The following PPIH variants were observed in gnomAD, a reference collection of about 807,000 sequenced individuals.
PPIH encodes the protein peptidylprolyl isomerase H.
Under a neutral mutation model 27.6 loss-of-function variants are expected in PPIH, and 16 were observed. The ratio of observed to expected loss-of-function variants is 0.58; its 90% CI spans 0.39 to 0.88. PPIH has a LOEUF of 0.88. Among genes scored for constraint, PPIH ranks in the 40% least tolerant of loss-of-function variants. The probability of loss-of-function intolerance (pLI) is 0.00; values close to 1 mark genes in which losing one functional copy is unlikely to be tolerated. For synonymous variants in PPIH, 63 were observed against 76.1 expected, an observed-to-expected ratio of 0.83 and a Z score of 0.90; for missense variants, 155 against 224.1, an observed-to-expected ratio of 0.69 and a Z score of 1.97.
At position 42,658,923 on chromosome 1, in the gene PPIH, C is replaced by T. The variant is rs371476066; in HGVS notation, c.131+15C>T. 43 of 1,613,450 alleles carry T rather than the reference C, an allele frequency of 2.7e-5. No individual in the cohort carries two copies. The African/African-American group carries it at 3.1e-4, about 12-fold the overall frequency. On this transcript the variant is annotated intron_variant, in intron 2 of 9. Transcript: ENST00000304979. ...GAGAACTTTAGGTAAGGACGTGCTCCAGCTCCGCTGGATTAGCTGAGGCAG... is the reference window on the plus strand; with the variant it reads ...GAGAACTTTAGGTAAGGACGTGCTCTAGCTCCGCTGGATTAGCTGAGGCAG...
chr1:42,659,048 T>G, intron 2 of PPIH, 140 bp downstream of exon 2: 1 of 1,330,910 alleles, frequency 7.5e-7, no homozygotes, highest in East Asian at 2.3e-5. Flanking sequence ...CTCTGTCTGG[T>G]TGCCGTTTGG....
chr1:42,671,760 T>C (rs1041167416), intron 9 of PPIH, among the ~76,000 whole-genome samples: 1 of 152,188 alleles, frequency 6.6e-6, no homozygotes, highest in Non-Finnish European at 1.5e-5. Flanking sequence ...CACCCCATTT[T>C]GGGTTTCTGA....
At chr1:42,665,393 G>A (rs996396586) in intron 6 of PPIH, among the ~76,000 whole-genome samples, 9 of 152,110 alleles carry the variant, frequency 5.9e-5, no homozygotes, top group Non-Finnish European at 1.0e-4. Flanking sequence ...CAACAAGAGC[G>A]AAACTCCATC....
chr1:42,679,155 A>G, downstream of PPIH, among the ~76,000 whole-genome samples: 1 of 152,226 alleles, frequency 6.6e-6, no homozygotes, highest in East Asian at 1.9e-4. Context: ...ACTTTGGAAC[A>G]GTCATGAACT....
intron 9 of PPIH, among the ~76,000 whole-genome samples, chr1:42,670,780 A>G (rs1436936658): frequency 6.6e-6 from 1 of 151,944 alleles, no homozygotes; most frequent in Non-Finnish European, 1.5e-5. Flanking sequence ...CTAAACTGTT[A>G]ACTTTTTATT....
At chr1:42,678,942 T>A (rs1439275592), downstream of PPIH, 1 of 152,226 alleles carries the variant, frequency 6.6e-6, no homozygotes, top group Non-Finnish European at 1.5e-5. Context: ...GGAACTGTGT[T>A]CTTAGGCCAC....
In PPIH at chr1:42,666,087, C is replaced by T. The variant is rs755196999; in HGVS notation, c.424+20C>T. On this transcript the variant is annotated intron_variant, in intron 7 of 9. Coordinates refer to ENST00000304979, the MANE Select transcript of PPIH (RefSeq NM_006347.4). ...TGTTTGGTAAGTCCTACTCCTGTCTCATGGTCCAGGCCCCATTCACCCTGG... is the reference window on the plus strand; with the variant it reads ...TGTTTGGTAAGTCCTACTCCTGTCTTATGGTCCAGGCCCCATTCACCCTGG... The T allele has an allele frequency of 3.1e-6, 5 of 1,609,112 alleles. No homozygotes were observed. In the East Asian group the frequency reaches 1.1e-4, roughly 36 times the overall value.
intron 4 of PPIH, among the ~76,000 whole-genome samples, chr1:42,660,066 C>T (rs544140062): frequency 2.0e-5 from 3 of 152,268 alleles, no homozygotes; most frequent in Admixed American, 1.3e-4. Flanking sequence ...CTCTAATCCC[C>T]AGTAAGACTC....
downstream of PPIH, among the ~76,000 whole-genome samples, chr1:42,677,994 T>C (rs1042983817): frequency 6.6e-6 from 1 of 152,164 alleles, no homozygotes; most frequent in Non-Finnish European, 1.5e-5. Flanking sequence ...TCTATGACAA[T>C]AGAACTTGGT....
intron 9 of PPIH, among the ~76,000 whole-genome samples, chr1:42,671,661 G>A (rs1438104197): frequency 2.0e-5 from 3 of 152,054 alleles, no homozygotes; most frequent in South Asian, 2.1e-4. Flanking sequence ...TTGAATTATC[G>A]CATTTCACTT....
intron 9 of PPIH, 32 bp downstream of exon 9, chr1:42,667,472 A>T (rs1649405365): frequency 1.3e-6 from 2 of 1,514,158 alleles, no homozygotes. Flanking sequence ...TAGGTTAGGA[A>T]TCAGACCTCA....
At chr1:42,666,667 G>C in intron 8 of PPIH, 80 bp downstream of exon 8, 1 of 1,408,696 alleles carries the variant, frequency 7.1e-7, no homozygotes, top group Non-Finnish European at 1.0e-6. Context: ...GCTAGAGAAG[G>C]GGGAATGAGC....
At chr1:42,658,538 C>G in intron 1 of PPIH, 26 bp downstream of exon 1, 1 of 1,606,362 alleles carries the variant, frequency 6.2e-7, no homozygotes, top group Non-Finnish European at 8.5e-7. Flanking sequence ...CTGCCCACAC[C>G]TGCGCCGAAG....
At chr1:42,675,131 T>C (rs547902377) in intron 9 of PPIH, among the ~76,000 whole-genome samples, 3 of 152,372 alleles carry the variant, frequency 2.0e-5, no homozygotes, top group East Asian at 1.9e-4. Flanking sequence ...TGCAGTGATA[T>C]ATAGCAGACT....
chr1:42,665,185 C>T (rs1274149108), intron 6 of PPIH, among the ~76,000 whole-genome samples: 1 of 151,856 alleles, frequency 6.6e-6, no homozygotes, highest in Admixed American at 6.6e-5. Context: ...AGGTGGATAA[C>T]CTGAGGTCAG....
chr1:42,677,268 G>A (rs1649919856), downstream of PPIH, among the ~76,000 whole-genome samples: 1 of 152,124 alleles, frequency 6.6e-6, no homozygotes, highest in African/African-American at 2.4e-5. Context: ...GAGGCCAGGA[G>A]TTCAAGACCA....
intron 9 of PPIH, among the ~76,000 whole-genome samples, chr1:42,670,554 T>C (rs960895161): frequency 7.9e-5 from 12 of 152,048 alleles, no homozygotes; most frequent in African/African-American, 2.9e-4. Flanking sequence ...AAAAGTTATA[T>C]GAACTTTTGC....
At chr1:42,676,062 T>A (rs920708467) in intron 9 of PPIH, among the ~76,000 whole-genome samples, 1 of 152,240 alleles carries the variant, frequency 6.6e-6, no homozygotes, top group South Asian at 2.1e-4. Flanking sequence ...GCTTTCTTCC[T>A]GGTTCTTTTG....
downstream of PPIH, among the ~76,000 whole-genome samples, chr1:42,678,389 G>T (rs761884583): frequency 1.3e-5 from 2 of 152,096 alleles, no homozygotes; most frequent in Admixed American, 6.6e-5. Flanking sequence ...GGGCAGGGCA[G>T]GATATTTGGG....
Sources: allele counts gnomAD v4.1 joint callset (sites outside exome capture counted in the v4.1 genomes callset), GRCh38; gene constraint gnomAD v4.1.1; transcripts MANE v1.5; gene names NCBI Gene and HGNC (gene_info 2026-07-23, HGNC 2026-07-21).